IMMP2L: variants seen among roughly 807,000 people sequenced by gnomAD.
The protein encoded by IMMP2L is inner mitochondrial membrane peptidase subunit 2, also known as mitochondrial inner membrane protease subunit 2.
A neutral mutation model predicts 19.3 loss-of-function variants in IMMP2L; 18 were observed. That is an observed-to-expected ratio of 0.93 (90% confidence interval 0.64 to 1.38). IMMP2L has a LOEUF of 1.38. IMMP2L is among the 40% of genes most tolerant of loss of function. The probability of loss-of-function intolerance (pLI) is 0.00; values close to 1 mark genes in which losing one functional copy is unlikely to be tolerated. For synonymous variants in IMMP2L, 76 were observed against 73.0 expected, an observed-to-expected ratio of 1.04 and a Z score of -0.21; for missense variants, 233 against 218.2, an observed-to-expected ratio of 1.07 and a Z score of -0.43.
At chr7:111,444,831 G>C (rs1838142555) in intron 3 of IMMP2L, among the ~76,000 whole-genome samples, 1 of 152,084 alleles carries the variant, frequency 6.6e-6, no homozygotes, top group Non-Finnish European at 1.5e-5. Context: ...AATTGGAGTA[G>C]ATATGCCCCT....
At chr7:111,551,495 GGTGTGTGTGTGTGTGT>G (rs60697579) in intron 1 of IMMP2L, among the ~76,000 whole-genome samples, 2 of 145,354 alleles carry the variant, frequency 1.4e-5, no homozygotes, top group East Asian at 2.0e-4. Flanking sequence ...GACTGTTAGA[GGTGTGTGTGTGTGTGT>G]GTGTGTGTGT....
At chr7:110,905,934 T>C (rs188173462) in intron 4 of IMMP2L, among the ~76,000 whole-genome samples, 73 of 152,330 alleles carry the variant, frequency 4.8e-4, no homozygotes, top group Non-Finnish European at 1.0e-3. Context: ...AATCCATAAG[T>C]TGAAGTTCTG....
At chr7:111,137,574 G>C (rs974983397) in intron 3 of IMMP2L, among the ~76,000 whole-genome samples, 2 of 151,882 alleles carry the variant, frequency 1.3e-5, no homozygotes, top group African/African-American at 4.8e-5. Context: ...AAGAAGCAGA[G>C]CAAAGATAGG....
intron 2 of IMMP2L, among the ~76,000 whole-genome samples, chr7:111,511,819 G>A (rs141653195): frequency 6.6e-6 from 1 of 151,934 alleles, no homozygotes; most frequent in Non-Finnish European, 1.5e-5. Flanking sequence ...GTGTCAGCAG[G>A]GCCCAGCAAG....
At chr7:110,921,831 A>C (rs577174137) in intron 4 of IMMP2L, among the ~76,000 whole-genome samples, 3 of 152,184 alleles carry the variant, frequency 2.0e-5, no homozygotes, top group Non-Finnish European at 2.9e-5. Context: ...AGGACACTTT[A>C]TCTCTCCTAG....
At chr7:111,354,820 G>A (rs1828535700) in intron 3 of IMMP2L, among the ~76,000 whole-genome samples, 2 of 151,718 alleles carry the variant, frequency 1.3e-5, no homozygotes, top group Admixed American at 1.3e-4. Context: ...GAAGGAATGT[G>A]CAAAGTTTAT....
At chr7:111,398,870 T>C (rs1352347203) in intron 3 of IMMP2L, among the ~76,000 whole-genome samples, 2 of 149,778 alleles carry the variant, frequency 1.3e-5, no homozygotes, top group East Asian at 2.0e-4. Context: ...TCAACCCCTT[T>C]TACAATAGCT....
chr7:110,745,244 G>C (rs1202508830), intron 5 of IMMP2L, among the ~76,000 whole-genome samples: 2 of 152,108 alleles, frequency 1.3e-5, no homozygotes, highest in African/African-American at 2.4e-5. Flanking sequence ...AAGAAGTATG[G>C]GACTATGTGA....
intron 3 of IMMP2L, among the ~76,000 whole-genome samples, chr7:111,153,740 A>T (rs979726209): frequency 2.6e-5 from 4 of 152,080 alleles, no homozygotes; most frequent in Non-Finnish European, 4.4e-5. Flanking sequence ...TTATGGTAGT[A>T]GTACAATAAG....
chr7:111,436,069 T>C (rs1263910150), intron 3 of IMMP2L, among the ~76,000 whole-genome samples: 3 of 151,768 alleles, frequency 2.0e-5, no homozygotes, highest in African/African-American at 7.3e-5. Flanking sequence ...GATGGCACTA[T>C]GTTTGAGAGG....
Position 111,304,688 on chromosome 7 carries a change from G to GTGTGTGTA in IMMP2L, c.239+182549_239+182550insTACACACA, listed in dbSNP as rs1215518281. ...ATATATAATGTGTGTGTGTGTGTGTGTGTGTGTGTGTGTGTGTGTGTGTGT... is the reference window on the plus strand; with the variant it reads ...ATATATAATGTGTGTGTGTGTGTGTGTGTGTGTATGTGTGTGTGTGTGTGTGTGTGTGT... On this transcript the variant is annotated intron_variant, in intron 3 of 5. Coordinates refer to ENST00000405709, the MANE Select transcript of IMMP2L (RefSeq NM_032549.4). 6.0e-5 allele frequency among the ~76,000 whole-genome samples: 9 copies of GTGTGTGTA among 149,628 alleles called. No homozygotes were observed. In the East Asian group the frequency reaches 1.8e-3, roughly 29 times the overall value.
chr7:110,684,663 T>C (rs1199183100), intron 5 of IMMP2L, among the ~76,000 whole-genome samples: 1 of 152,022 alleles, frequency 6.6e-6, no homozygotes, highest in African/African-American at 2.4e-5. Flanking sequence ...TGTTAGCCCC[T>C]GTGTAAATGA....
At chr7:111,376,109 G>A (rs2131161805) in intron 3 of IMMP2L, among the ~76,000 whole-genome samples, 1 of 152,090 alleles carries the variant, frequency 6.6e-6, no homozygotes, top group African/African-American at 2.4e-5. Context: ...ACAACAGTTA[G>A]CTAACAGAGA....
At chr7:111,505,109 C>T (rs1844743228) in intron 2 of IMMP2L, among the ~76,000 whole-genome samples, 1 of 151,876 alleles carries the variant, frequency 6.6e-6, no homozygotes, top group African/African-American at 2.4e-5. Flanking sequence ...CTACAAAGAA[C>T]TCAAACAAAT....
chr7:111,360,082 T>A (rs1829114516), intron 3 of IMMP2L, among the ~76,000 whole-genome samples: 1 of 152,048 alleles, frequency 6.6e-6, no homozygotes, highest in Non-Finnish European at 1.5e-5. Flanking sequence ...CCATAAATTT[T>A]AAAAAATGGT....
At chr7:110,872,505 C>T (rs1340802212) in intron 5 of IMMP2L, among the ~76,000 whole-genome samples, 1 of 152,124 alleles carries the variant, frequency 6.6e-6, no homozygotes, top group Non-Finnish European at 1.5e-5. Flanking sequence ...ACAACAACCC[C>T]TTTCCCTGTA....
intron 5 of IMMP2L, among the ~76,000 whole-genome samples, chr7:110,779,865 T>TTCCTAGGGAACTG (rs1357540431): frequency 6.6e-6 from 1 of 151,720 alleles, no homozygotes; most frequent in Non-Finnish European, 1.5e-5. Flanking sequence ...AGGAGTAAAG[T>TTCCTAGGGAACTG]TCCTAGGGAA....
chr7:111,493,104 T>C (rs1843246278), intron 2 of IMMP2L, among the ~76,000 whole-genome samples: 1 of 152,184 alleles, frequency 6.6e-6, no homozygotes, highest in Non-Finnish European at 1.5e-5. Context: ...ATATACATTA[T>C]CTAAATAATG....
intron 1 of IMMP2L, among the ~76,000 whole-genome samples, chr7:111,541,053 G>A (rs1848468550): frequency 6.6e-6 from 1 of 152,084 alleles, no homozygotes; most frequent in African/African-American, 2.4e-5. Context: ...AATAAGATTT[G>A]GATTCAAGTC....
Sources: allele counts gnomAD v4.1 joint callset (sites outside exome capture counted in the v4.1 genomes callset), GRCh38; gene constraint gnomAD v4.1.1; transcripts MANE v1.5; gene names NCBI Gene and HGNC (gene_info 2026-07-23, HGNC 2026-07-21).